HMG20A: variants seen among roughly 807,000 people sequenced by gnomAD.
HMG20A encodes high mobility group 20A, also known as high mobility group protein 20A.
In HMG20A, 17 loss-of-function variants were observed where a neutral mutation model predicts 43.9. The ratio of observed to expected loss-of-function variants is 0.39; its 90% CI spans 0.27 to 0.58. HMG20A has a LOEUF of 0.58. Among genes scored for constraint, HMG20A ranks in the 20% least tolerant of loss-of-function variants. The pLI, the probability that HMG20A is intolerant of heterozygous loss-of-function variation, is 0.59. For synonymous variants in HMG20A, 132 were observed against 147.5 expected (o/e 0.89, Z 0.76); for missense variants, 341 against 438.2 (o/e 0.78, Z 1.98).
At chr15:77,476,308 C>G (rs1276178223) in intron 6 of HMG20A, among the ~76,000 whole-genome samples, 3 of 151,960 alleles carry the variant, frequency 2.0e-5, no homozygotes, top group African/African-American at 7.3e-5. Context: ...ATGGCGAAAC[C>G]CCGTCTCTAC....
chr15:77,480,757 C>T (rs1168343657), intron 9 of HMG20A, among the ~76,000 whole-genome samples: 2 of 143,286 alleles, frequency 1.4e-5, no homozygotes, highest in Non-Finnish European at 3.0e-5. Flanking sequence ...CTACCCATGA[C>T]ACTTTTTGGT....
chr15:77,475,220 A>C (rs1006476003), intron 6 of HMG20A, among the ~76,000 whole-genome samples: 3 of 152,152 alleles, frequency 2.0e-5, no homozygotes, highest in African/African-American at 7.2e-5. Context: ...ATGCCGTGAA[A>C]TGTGCTCAGT....
At chr15:77,466,367 G>A (rs1375353861) in intron 3 of HMG20A, among the ~76,000 whole-genome samples, 3 of 151,712 alleles carry the variant, frequency 2.0e-5, no homozygotes, top group African/African-American at 7.3e-5. Context: ...GGCAAGAAGA[G>A]CAAAACTCTA....
intron 1 of HMG20A, among the ~76,000 whole-genome samples, chr15:77,432,875 A>G (rs951100789): frequency 6.6e-6 from 1 of 152,172 alleles, no homozygotes; most frequent in African/African-American, 2.4e-5. Flanking sequence ...AGGAATGAAA[A>G]GGGAAAATTT....
At chr15:77,449,189 T>C (rs1175491473) in intron 1 of HMG20A, among the ~76,000 whole-genome samples, 1 of 151,822 alleles carries the variant, frequency 6.6e-6, no homozygotes, top group Non-Finnish European at 1.5e-5. Flanking sequence ...TATACCCTTC[T>C]CTTGAAGCAG....
intron 1 of HMG20A, among the ~76,000 whole-genome samples, chr15:77,421,525 A>T (rs910387544): frequency 5.9e-5 from 9 of 152,202 alleles, no homozygotes; most frequent in African/African-American, 2.2e-4. Context: ...CAACACCTGC[A>T]CCCCTACTCA....
rs1365723431 is a variant in HMG20A at position 77,458,508 on chromosome 15, C to T, written c.89+12C>T. The T allele has an allele frequency of 6.4e-7, 1 of 1,567,344 alleles. No homozygotes were observed. The highest frequency in any genetic ancestry group is 8.8e-7 in the Non-Finnish European group (1 of 1,138,126). On this transcript the variant is annotated intron_variant, in intron 2 of 9. Transcript: ENST00000336216. ...CTGGCTACCACTGGGTAAGCAGCTG[C>T]TTTAGGACACTGGACTTCTCCATAG...
At position 77,433,338 on chromosome 15, in the gene HMG20A, T is replaced by TAA. The variant is rs56217820; in HGVS notation, c.-5+12356_-5+12357dup. On this transcript the variant is annotated intron_variant, in intron 1 of 9. Coordinates refer to ENST00000336216, the MANE Select transcript of HMG20A (RefSeq NM_001304504.2). ...GCCTGGATGTTAGAGACCCTGTCTCTAAAAAAAAAAAAAAAAAAAAAAATT... is the reference window on the plus strand; with the variant it reads ...GCCTGGATGTTAGAGACCCTGTCTCTAAAAAAAAAAAAAAAAAAAAAAAAATT... Among the ~76,000 whole-genome samples, 723 of 118,428 alleles carry TAA rather than the reference T, an allele frequency of 6.1e-3. 20 individuals are homozygous for TAA. The East Asian group carries it at 0.075, about 12-fold the overall frequency. The allele number at this position is 118,428 out of a possible 152,430, so 77.7% of individuals were successfully genotyped here.
At chr15:77,454,972 C>G (rs1023848922) in intron 1 of HMG20A, among the ~76,000 whole-genome samples, 3 of 151,962 alleles carry the variant, frequency 2.0e-5, no homozygotes, top group Admixed American at 2.0e-4. Context: ...AATCCCACCT[C>G]TCAATTATGA....
chr15:77,442,317 T>G (rs1281694221), intron 1 of HMG20A, among the ~76,000 whole-genome samples: 1 of 152,188 alleles, frequency 6.6e-6, no homozygotes, highest in African/African-American at 2.4e-5. Context: ...AGTGGAGATA[T>G]TCAATAAGGA....
intron 4 of HMG20A, among the ~76,000 whole-genome samples, chr15:77,470,366 G>T (rs1364568652): frequency 6.6e-6 from 1 of 152,140 alleles, no homozygotes; most frequent in Non-Finnish European, 1.5e-5. Context: ...CCATTTTTAG[G>T]TCCATAGGAT....
At chr15:77,501,231 G>A in the HMG20A span, among the ~76,000 whole-genome samples, 3 of 152,166 alleles carry the variant, frequency 2.0e-5, no homozygotes, top group Non-Finnish European at 4.4e-5. Context: ...CATTTCATCT[G>A]TCTTGCAAAG....
rs2072876782 is a variant in HMG20A, at chr15:77,478,444, T to A, written c.841T>A (p.Leu281Ile). 2 of 1,612,498 alleles carry A rather than the reference T, an allele frequency of 1.2e-6. No homozygotes were observed. The highest frequency in any genetic ancestry group is 1.7e-6 in the Non-Finnish European group (2 of 1,180,034). ...CCAGGAGCGGAGCCGCAACACAGTC[T>A]TACAGCAGCACCTGGAGACCCTGCG... ...VIQERSRNTV[L>I]QQHLETLRQV... Residue 281 changes from leucine to isoleucine, a missense_variant, in exon 8 of 10, where the codon TTA becomes ATA. Transcript: ENST00000336216.
the HMG20A span, among the ~76,000 whole-genome samples, chr15:77,492,750 G>A: frequency 2.0e-5 from 3 of 152,062 alleles, no homozygotes; most frequent in African/African-American, 7.3e-5. Flanking sequence ...AGTCGTGGCT[G>A]CAGTGAGCCA....
chr15:77,517,335 C>T, the HMG20A span, among the ~76,000 whole-genome samples: 32 of 152,200 alleles, frequency 2.1e-4, no homozygotes, highest in African/African-American at 7.5e-4. Flanking sequence ...CAGTGCCCAG[C>T]ACAGAGCAAG....
Position 77,478,355 on chromosome 15 carries a change from C to T in HMG20A, c.752C>T (p.Ala251Val). Residue 251 changes from alanine to valine, a missense_variant, in exon 8 of 10, where the codon GCA becomes GTA. Ala to Val is a moderately conservative substitution (Grantham distance 64, BLOSUM62 0). Transcript: ENST00000336216. ...AACATGGAGTTTGAGGAGAGGAATG[C>T]AGCCCTGCAAAAGCACGTGGAGAGC... ...KSNMEFEERN[A>V]ALQKHVESMR... 2 of 1,613,654 alleles carry T rather than the reference C, an allele frequency of 1.2e-6. No individual in the cohort carries two copies. The highest frequency in any genetic ancestry group is 1.7e-6 in the Non-Finnish European group (2 of 1,180,040).
At chr15:77,424,907 T>C (rs998016112) in intron 1 of HMG20A, among the ~76,000 whole-genome samples, 2 of 152,032 alleles carry the variant, frequency 1.3e-5, no homozygotes, top group Non-Finnish European at 2.9e-5. Flanking sequence ...TTTCACACTA[T>C]GATCATACCT....
At chr15:77,506,704 C>G in the HMG20A span, among the ~76,000 whole-genome samples, 1 of 152,242 alleles carries the variant, frequency 6.6e-6, no homozygotes, top group African/African-American at 2.4e-5. Flanking sequence ...TTCCGGTTTT[C>G]ACGCCTGCGG....
At chr15:77,508,539 G>A in the HMG20A span, among the ~76,000 whole-genome samples, 1 of 152,238 alleles carries the variant, frequency 6.6e-6, no homozygotes, top group Non-Finnish European at 1.5e-5. Context: ...GCTGGTCAGT[G>A]GTGGGGGCCT....
Sources: gnomAD v4.1 joint callset for allele counts (sites outside exome capture counted in the v4.1 genomes callset) on GRCh38, gnomAD v4.1.1 for gene constraint, MANE v1.5 for transcripts, NCBI Gene and HGNC (gene_info 2026-07-23, HGNC 2026-07-21) for gene names.